Variants in SORCS1 observed in about 807,000 individuals in gnomAD.
SORCS1 encodes VPS10 domain-containing receptor SorCS1.
A neutral mutation model predicts 146.1 loss-of-function variants in SORCS1; 60 were observed. The observed-to-expected ratio is 0.41, with a 90% CI of 0.33 to 0.51. The LOEUF (loss-of-function observed/expected upper bound fraction) is 0.51. SORCS1 is among the 20% of genes least tolerant of loss of function. SORCS1 has a pLI of 0.21. For missense variants in SORCS1, 1,352 were observed against 1,487.6 expected (o/e 0.91, Z 1.50); for synonymous variants, 637 against 584.0 (o/e 1.09, Z -1.31).
At chr10:107,033,674 T>C (rs1484314034) in intron 1 of SORCS1, among the ~76,000 whole-genome samples, 2 of 152,232 alleles carry the variant, frequency 1.3e-5, no homozygotes, top group Non-Finnish European at 2.9e-5. Context: ...AGACTACAGA[T>C]CAGAGAGATT....
chr10:107,171,459 A>AATTATTCTTTG, the SORCS1 span, among the ~76,000 whole-genome samples: 13 of 151,182 alleles, frequency 8.6e-5, no homozygotes, highest in Non-Finnish European at 1.5e-4. Flanking sequence ...TATGTACTTG[A>AATTATTCTTTG]ATTATTCTTT....
At chr10:106,644,015 G>A (rs1389126855) in intron 18 of SORCS1, among the ~76,000 whole-genome samples, 3 of 152,208 alleles carry the variant, frequency 2.0e-5, no homozygotes, top group African/African-American at 7.2e-5. Context: ...TCTCTGGGAA[G>A]AGAACTTTCA....
intron 1 of SORCS1, among the ~76,000 whole-genome samples, chr10:106,962,335 T>C (rs12762271): frequency 0.16 from 21,572 of 134,218 alleles, 2,186 homozygotes; most frequent in East Asian, 0.35. Flanking sequence ...GTAGAGGTTG[T>C]GGTGAGCCAA....
At chr10:106,767,929 C>A (rs538176978) in intron 4 of SORCS1, among the ~76,000 whole-genome samples, 1 of 152,312 alleles carries the variant, frequency 6.6e-6, no homozygotes, top group South Asian at 2.1e-4. Flanking sequence ...AAATCTTAAA[C>A]CCAATTGCTT....
chr10:106,793,916 T>C (rs1589890956), intron 3 of SORCS1, among the ~76,000 whole-genome samples: 1 of 152,336 alleles, frequency 6.6e-6, no homozygotes, highest in Non-Finnish European at 1.5e-5. Flanking sequence ...ACAATGTAAA[T>C]GAGCACATGT....
intron 2 of SORCS1, among the ~76,000 whole-genome samples, chr10:106,931,526 A>C (rs1325219731): frequency 6.6e-6 from 1 of 152,216 alleles, no homozygotes; most frequent in Non-Finnish European, 1.5e-5. Flanking sequence ...GTCCTCTGAA[A>C]GCTGGCAATC....
At chr10:106,604,287 C>A (rs1298307163) in intron 23 of SORCS1, among the ~76,000 whole-genome samples, 1 of 152,048 alleles carries the variant, frequency 6.6e-6, no homozygotes, top group Non-Finnish European at 1.5e-5. Flanking sequence ...TTATTTTTAC[C>A]CATAAAGTTA....
chr10:107,141,231 A>G (rs1357111934), intron 1 of SORCS1, among the ~76,000 whole-genome samples: 1 of 152,212 alleles, frequency 6.6e-6, no homozygotes, highest in Non-Finnish European at 1.5e-5. Flanking sequence ...AAGATTCTGG[A>G]CTAAGCAACC....
rs1460702564 is a variant in SORCS1, at chr10:106,691,657, CA to C, written c.1414-3320del. 3.4e-4 allele frequency among the ~76,000 whole-genome samples: 51 copies of C among 152,150 alleles called. 1 individual carries two copies. On this transcript the variant is annotated intron_variant, in intron 9 of 25. Transcript: ENST00000263054. ...TCTCTTTGTTCACAAAGGCCACCCC[CA>C]ACTCCCTGAGAAAGCCTCCTGATGT...
chr10:106,585,531 C>T (rs903550944), intron 24 of SORCS1, among the ~76,000 whole-genome samples: 1 of 152,142 alleles, frequency 6.6e-6, no homozygotes, highest in African/African-American at 2.4e-5. Context: ...CATCTCAAGT[C>T]TCCCCTAAGT....
At chr10:107,016,099 C>A (rs1957886020) in intron 1 of SORCS1, among the ~76,000 whole-genome samples, 1 of 152,046 alleles carries the variant, frequency 6.6e-6, no homozygotes, top group Admixed American at 6.6e-5. Context: ...AGCTACACTA[C>A]CAGATATGAA....
intron 9 of SORCS1, among the ~76,000 whole-genome samples, chr10:106,698,910 T>C (rs1417766705): frequency 2.6e-5 from 4 of 152,088 alleles, no homozygotes; most frequent in Non-Finnish European, 5.9e-5. Context: ...TGTCCAAACA[T>C]CACAAGCAGA....
chr10:106,838,126 A>C (rs967618006), intron 2 of SORCS1, among the ~76,000 whole-genome samples: 1 of 152,174 alleles, frequency 6.6e-6, no homozygotes, highest in African/African-American at 2.4e-5. Context: ...GTGGACTTCC[A>C]TGAAATAAAA....
At chr10:106,937,324 C>A (rs1162918458) in intron 2 of SORCS1, among the ~76,000 whole-genome samples, 3 of 148,180 alleles carry the variant, frequency 2.0e-5, no homozygotes, top group Admixed American at 1.4e-4. Flanking sequence ...GTGCCCACCA[C>A]CATGCCCAGC....
intron 3 of SORCS1, among the ~76,000 whole-genome samples, chr10:106,829,099 T>C (rs929840388): frequency 7.9e-5 from 12 of 152,234 alleles, no homozygotes; most frequent in Non-Finnish European, 1.3e-4. Context: ...GCATTCATCC[T>C]GACATTTGTG....
intron 2 of SORCS1, among the ~76,000 whole-genome samples, chr10:106,914,693 A>G (rs1301352007): frequency 6.6e-6 from 1 of 152,192 alleles, no homozygotes. Context: ...CAGTCCTATT[A>G]TCGAATTATC....
intron 2 of SORCS1, among the ~76,000 whole-genome samples, chr10:106,896,621 G>A (rs2137990777): frequency 6.6e-6 from 1 of 151,548 alleles, no homozygotes; most frequent in African/African-American, 2.4e-5. Context: ...TGGATAAGAT[G>A]GAATTAAGAT....
the SORCS1 span, among the ~76,000 whole-genome samples, chr10:107,171,988 A>C: frequency 6.6e-6 from 1 of 152,222 alleles, no homozygotes; most frequent in Non-Finnish European, 1.5e-5. Context: ...TATGAGGTAC[A>C]TTATTAGCTG....
chr10:106,905,633 C>A (rs1283014367), intron 2 of SORCS1, among the ~76,000 whole-genome samples: 1 of 152,056 alleles, frequency 6.6e-6, no homozygotes, highest in East Asian at 1.9e-4. Context: ...GAAAGGAAAA[C>A]ATTTGCAAAA....
Sources: allele counts gnomAD v4.1 joint callset (sites outside exome capture counted in the v4.1 genomes callset), GRCh38; gene constraint gnomAD v4.1.1; transcripts MANE v1.5; gene names NCBI Gene and HGNC (gene_info 2026-07-23, HGNC 2026-07-21).